OGDH: variants seen among roughly 807,000 people sequenced by gnomAD.
The protein encoded by OGDH is 2-oxoglutarate dehydrogenase complex component E1.
In OGDH, 38 loss-of-function variants were observed where a neutral mutation model predicts 116.6. The ratio of observed to expected loss-of-function variants is 0.33; its 90% CI spans 0.25 to 0.43. The LOEUF is 0.43. OGDH is among the 20% of genes least tolerant of loss of function. The pLI is 1.00. For missense variants in OGDH, 825 were observed against 1,357.2 expected (o/e 0.61, Z 6.16); for synonymous variants, 488 against 533.3 (o/e 0.92, Z 1.17).
intron 5 of OGDH, among the ~76,000 whole-genome samples, chr7:44,671,875 A>T (rs1452836549): frequency 1.3e-5 from 2 of 150,926 alleles, no homozygotes; most frequent in Admixed American, 6.6e-5. Context: ...CAAGACCATC[A>T]TGGCTAACAT....
chr7:44,615,701 C>G (rs941408139), intron 1 of OGDH, among the ~76,000 whole-genome samples: 3 of 152,096 alleles, frequency 2.0e-5, no homozygotes, highest in African/African-American at 4.8e-5. Flanking sequence ...GTAGGCTTCT[C>G]GAGTACCCAG....
chr7:44,647,315 A>G (rs1333620622), intron 3 of OGDH: 1 of 624,242 alleles, frequency 1.6e-6, no homozygotes, highest in South Asian at 2.0e-5. Context: ...TTTAAAAACT[A>G]ATTTTGTCGT....
At chr7:44,649,802 G>C (rs1416250377) in intron 4 of OGDH, among the ~76,000 whole-genome samples, 2 of 152,050 alleles carry the variant, frequency 1.3e-5, no homozygotes, top group Non-Finnish European at 2.9e-5. Context: ...GCCGAGGCAG[G>C]GCCAGAATCT....
intron 2 of OGDH, 66 bp from the exon 3 acceptor site, chr7:44,645,261 G>T: frequency 6.9e-7 from 1 of 1,458,494 alleles, no homozygotes; most frequent in East Asian, 2.3e-5. Flanking sequence ...GCAGTTCTCT[G>T]TGGCCACAGA....
chr7:44,653,805 C>T (rs535411226), intron 4 of OGDH, among the ~76,000 whole-genome samples: 2 of 151,274 alleles, frequency 1.3e-5, no homozygotes, highest in South Asian at 2.1e-4. Flanking sequence ...GGATTACAGG[C>T]GTGAGCCACT....
chr7:44,658,007 T>A (rs1415148117), intron 4 of OGDH, among the ~76,000 whole-genome samples: 1 of 152,226 alleles, frequency 6.6e-6, no homozygotes, highest in Non-Finnish European at 1.5e-5. Context: ...TGTCTGTTTT[T>A]CCATCGATAC....
At chr7:44,630,027 G>A (rs961284896) in intron 2 of OGDH, among the ~76,000 whole-genome samples, 2 of 152,282 alleles carry the variant, frequency 1.3e-5, no homozygotes, top group African/African-American at 4.8e-5. Flanking sequence ...GTCTGGCATC[G>A]CTGCTCATCT....
intron 2 of OGDH, among the ~76,000 whole-genome samples, chr7:44,640,720 C>G (rs1328320468): frequency 6.6e-6 from 1 of 151,976 alleles, no homozygotes; most frequent in Non-Finnish European, 1.5e-5. Flanking sequence ...GTGCTGTTCT[C>G]CAGTACTTAC....
At chr7:44,703,148 GCTCATGCCTATAATCCCAGCA>G (rs1788914134) in intron 20 of OGDH, among the ~76,000 whole-genome samples, 1 of 152,066 alleles carries the variant, frequency 6.6e-6, no homozygotes, top group African/African-American at 2.4e-5. Flanking sequence ...AGGCATGGTG[GCTCATGCCTATAATCCCAGCA>G]CTTTGGGAGT....
intron 20 of OGDH, among the ~76,000 whole-genome samples, chr7:44,704,253 G>T (rs1788967091): frequency 6.6e-6 from 1 of 152,198 alleles, no homozygotes; most frequent in South Asian, 2.1e-4. Context: ...CTTAATGGGT[G>T]TGAGATGATA....
chr7:44,673,378 A>G (rs1400381322), intron 5 of OGDH, among the ~76,000 whole-genome samples: 2 of 152,238 alleles, frequency 1.3e-5, no homozygotes, highest in South Asian at 2.1e-4. Context: ...CATTGAGCCT[A>G]TGACACCCTA....
chr7:44,620,520 T>G, intron 1 of OGDH, among the ~76,000 whole-genome samples: 1 of 152,380 alleles, frequency 6.6e-6, no homozygotes, highest in African/African-American at 2.4e-5. Flanking sequence ...TGTATATGTC[T>G]ATGCAACTTC....
chr7:44,699,167 G>A (rs1230960161), intron 18 of OGDH, among the ~76,000 whole-genome samples: 2 of 149,306 alleles, frequency 1.3e-5, no homozygotes, highest in Admixed American at 6.7e-5. Context: ...AGTGGCTCAC[G>A]CCTGTAAGCT....
chr7:44,621,636 G>A (rs987580934), intron 1 of OGDH, among the ~76,000 whole-genome samples: 22 of 152,166 alleles, frequency 1.4e-4, no homozygotes, highest in African/African-American at 5.1e-4. Flanking sequence ...CACTTTGGGA[G>A]GCTGAGGTGG....
At chr7:44,622,707 T>C (rs372919266) in intron 1 of OGDH, 1 of 152,208 alleles carries the variant, frequency 6.6e-6, no homozygotes, top group Non-Finnish European at 1.5e-5. Flanking sequence ...CGGGTAGGTG[T>C]GGACATGGAG....
At chr7:44,698,840 TAAAAAAAA>T (rs750560729) in intron 18 of OGDH, among the ~76,000 whole-genome samples, 1 of 127,704 alleles carries the variant, frequency 7.8e-6, no homozygotes, top group Non-Finnish European at 1.7e-5. Context: ...TACCCTGTCT[TAAAAAAAA>T]AAAAAAAAAG....
chr7:44,647,803 C>A, intron 4 of OGDH, 44 bp downstream of exon 4: 2 of 1,447,938 alleles, frequency 1.4e-6, no homozygotes, highest in South Asian at 1.1e-5. Context: ...GAGCTCCTCT[C>A]GCTGTGCCAC....
intron 5 of OGDH, among the ~76,000 whole-genome samples, chr7:44,672,637 GTTTTTTGT>G (rs1213088876): frequency 7.4e-6 from 1 of 135,840 alleles, no homozygotes; most frequent in Non-Finnish European, 1.5e-5. Flanking sequence ...ATTTCTTTTT[GTTTTTTGT>G]TTTTTTTTTT....
Position 44,696,922 on chromosome 7 carries a change from C to A in OGDH, c.1909C>A (p.Arg637=). ...GAGCTGTGTCTCTGCAGGGCTGAGC[C>A]GGATCTTGAAGACTCGTGGGGAAAT... ...ENFTIHGGLS[R]ILKTRGEMVK... Residue 637 remains arginine (R), a synonymous_variant, in exon 15 of 23, where the codon CGG becomes AGG. Transcript: ENST00000222673. The A allele has an allele frequency of 6.2e-7, 1 of 1,610,600 alleles. No homozygotes were observed. The highest frequency in any genetic ancestry group is 1.1e-5 in the South Asian group (1 of 90,680).
Sources: allele counts gnomAD v4.1 joint callset (sites outside exome capture counted in the v4.1 genomes callset), GRCh38; gene constraint gnomAD v4.1.1; transcripts MANE v1.5; gene names NCBI Gene and HGNC (gene_info 2026-07-23, HGNC 2026-07-21).